FBXL7: variants seen among roughly 807,000 people sequenced by gnomAD.
FBXL7 encodes F-box/LRR-repeat protein 7.
A neutral mutation model predicts 38.3 loss-of-function variants in FBXL7; 12 were observed. The observed-to-expected ratio is 0.31, with a 90% CI of 0.20 to 0.51. FBXL7 has a LOEUF of 0.51. Ranked by LOEUF, FBXL7 falls within the 20% of genes least tolerant of loss-of-function variation. FBXL7 has a pLI of 0.98. For synonymous variants in FBXL7, 297 were observed against 300.9 expected (o/e 0.99, Z 0.13); for missense variants, 567 against 676.4 (o/e 0.84, Z 1.79).
At chr5:15,762,808 A>G (rs926289502) in intron 2 of FBXL7, among the ~76,000 whole-genome samples, 4 of 152,198 alleles carry the variant, frequency 2.6e-5, no homozygotes, top group African/African-American at 7.2e-5. Context: ...AACATATCTG[A>G]AATGCATTAC....
intron 1 of FBXL7, among the ~76,000 whole-genome samples, chr5:15,539,493 AT>A (rs1368461696): frequency 1.3e-5 from 2 of 151,982 alleles, no homozygotes; most frequent in African/African-American, 4.8e-5. Flanking sequence ...TGAGTTTTCC[AT>A]TTGGGCTGTG....
intron 2 of FBXL7, among the ~76,000 whole-genome samples, chr5:15,808,468 C>A (rs1369703476): frequency 2.0e-5 from 3 of 152,100 alleles, no homozygotes; most frequent in Non-Finnish European, 4.4e-5. Context: ...GGACTTACCC[C>A]GTTCTCATCT....
intron 1 of FBXL7, among the ~76,000 whole-genome samples, chr5:15,606,537 G>A (rs1483850881): frequency 1.3e-5 from 2 of 152,222 alleles, no homozygotes; most frequent in African/African-American, 4.8e-5. Context: ...AGATGGTTTG[G>A]TGTAAAGAAA....
At chr5:15,778,073 C>G (rs1736903062) in intron 2 of FBXL7, among the ~76,000 whole-genome samples, 1 of 152,038 alleles carries the variant, frequency 6.6e-6, no homozygotes, top group African/African-American at 2.4e-5. Flanking sequence ...CAACAAATAA[C>G]TTAAGCACAT....
chr5:15,929,065 C>T (rs1219008070), intron 3 of FBXL7, among the ~76,000 whole-genome samples: 1 of 152,162 alleles, frequency 6.6e-6, no homozygotes, highest in Admixed American at 6.5e-5. Flanking sequence ...TGCTGTTGGT[C>T]CCTGGAGCCT....
chr5:15,687,466 G>C (rs146839349), intron 2 of FBXL7, among the ~76,000 whole-genome samples: 13 of 152,306 alleles, frequency 8.5e-5, no homozygotes, highest in African/African-American at 3.1e-4. Flanking sequence ...TGCACTCACT[G>C]TTCCCAATGA....
intron 2 of FBXL7, among the ~76,000 whole-genome samples, chr5:15,878,123 T>G (rs1028443262): frequency 9.2e-5 from 14 of 152,168 alleles, no homozygotes; most frequent in Non-Finnish European, 1.9e-4. Flanking sequence ...ATGTAAATCC[T>G]TCAGTTGTTC....
At chr5:15,883,013 C>T (rs1740523599) in intron 2 of FBXL7, among the ~76,000 whole-genome samples, 1 of 151,980 alleles carries the variant, frequency 6.6e-6, no homozygotes, top group Non-Finnish European at 1.5e-5. Context: ...CTGTCTTAGC[C>T]TCAGACACAT....
intron 2 of FBXL7, among the ~76,000 whole-genome samples, chr5:15,791,625 TG>T: frequency 6.6e-6 from 1 of 152,260 alleles, no homozygotes; most frequent in East Asian, 1.9e-4. Context: ...GGGTAGCTCC[TG>T]GGCCTGACAG....
At chr5:15,501,438 A>G in intron 1 of FBXL7, 2 of 985,582 alleles carry the variant, frequency 2.0e-6, no homozygotes, top group Non-Finnish European at 1.2e-6. Flanking sequence ...CCCACTCTGC[A>G]TAAAACCGTA....
At chr5:15,501,103 C>T (rs946699222) in intron 1 of FBXL7, among the ~76,000 whole-genome samples, 1 of 152,134 alleles carries the variant, frequency 6.6e-6, no homozygotes, top group African/African-American at 2.4e-5. Flanking sequence ...CTTTGTGCTC[C>T]AGCCCCCTGG....
At chr5:15,791,074 G>T (rs868517874) in intron 2 of FBXL7, among the ~76,000 whole-genome samples, 9 of 144,356 alleles carry the variant, frequency 6.2e-5, no homozygotes, top group African/African-American at 1.3e-4. Context: ...GTGTAAAAGG[G>T]GGGGGGGGGT....
intron 2 of FBXL7, among the ~76,000 whole-genome samples, chr5:15,914,436 T>G (rs1403538751): frequency 6.7e-6 from 1 of 149,284 alleles, no homozygotes; most frequent in Admixed American, 6.7e-5. Context: ...TAATCTATGA[T>G]AGCAGGTATT....
At chr5:15,597,206 T>C (rs1430860740) in intron 1 of FBXL7, among the ~76,000 whole-genome samples, 1 of 152,142 alleles carries the variant, frequency 6.6e-6, no homozygotes, top group Non-Finnish European at 1.5e-5. Flanking sequence ...GATTGCTTGC[T>C]TGCTTGTTGG....
At chr5:15,757,407 T>A (rs1736325546) in intron 2 of FBXL7, among the ~76,000 whole-genome samples, 1 of 152,128 alleles carries the variant, frequency 6.6e-6, no homozygotes, top group Non-Finnish European at 1.5e-5. Flanking sequence ...CTTGTTCTAC[T>A]CCTAGGAGGC....
chr5:15,705,969 A>G (rs530446826), intron 2 of FBXL7, among the ~76,000 whole-genome samples: 2 of 152,350 alleles, frequency 1.3e-5, no homozygotes, highest in East Asian at 3.9e-4. Flanking sequence ...GGATATAACA[A>G]TTAAGCTCTG....
chr5:15,710,658 G>A (rs1743836097), intron 2 of FBXL7, among the ~76,000 whole-genome samples: 1 of 152,108 alleles, frequency 6.6e-6, no homozygotes, highest in African/African-American at 2.4e-5. Flanking sequence ...ACCTAGAATG[G>A]TACCTGGCCC....
intron 2 of FBXL7, among the ~76,000 whole-genome samples, chr5:15,702,481 T>G (rs1021547797): frequency 1.3e-5 from 2 of 152,190 alleles, no homozygotes; most frequent in Non-Finnish European, 2.9e-5. Context: ...GGTATCTGCC[T>G]CTCTCTGGAT....
At chr5:15,771,468 A>G (rs1001739430) in intron 2 of FBXL7, among the ~76,000 whole-genome samples, 4 of 152,234 alleles carry the variant, frequency 2.6e-5, no homozygotes, top group African/African-American at 9.6e-5. Context: ...CCGTGGTGCC[A>G]TAAGTATATG....
Sources: allele counts gnomAD v4.1 joint callset (sites outside exome capture counted in the v4.1 genomes callset), GRCh38; gene constraint gnomAD v4.1.1; transcripts MANE v1.5; gene names NCBI Gene and HGNC (gene_info 2026-07-23, HGNC 2026-07-21).